Variants in KITLG observed in about 807,000 individuals in gnomAD.
The protein encoded by KITLG is KIT ligand.
Under a neutral mutation model 34.1 loss-of-function variants are expected in KITLG, and 13 were observed. The ratio of observed to expected loss-of-function variants is 0.38; its 90% CI spans 0.25 to 0.61. The LOEUF (loss-of-function observed/expected upper bound fraction) is 0.61, where lower values mean the gene tolerates loss of function less well. Among genes scored for constraint, KITLG ranks in the 20% least tolerant of loss-of-function variants. KITLG has a pLI of 0.60. For missense variants in KITLG, 292 were observed against 318.9 expected (o/e 0.92, Z 0.64); for synonymous variants, 110 against 104.0 (o/e 1.06, Z -0.35).
chr12:88,541,013 A>G (rs368014774), intron 2 of KITLG, among the ~76,000 whole-genome samples: 2 of 152,174 alleles, frequency 1.3e-5, no homozygotes, highest in East Asian at 1.9e-4. Context: ...CTTAGAATTC[A>G]TCCAGAAATG....
At chr12:88,551,843 C>T (rs1870925566) in intron 1 of KITLG, among the ~76,000 whole-genome samples, 1 of 152,140 alleles carries the variant, frequency 6.6e-6, no homozygotes, top group Non-Finnish European at 1.5e-5. Context: ...ACGTTAAGAA[C>T]TAGAGATGAA....
intron 2 of KITLG, among the ~76,000 whole-genome samples, chr12:88,543,937 T>C (rs1045921848): frequency 1.3e-5 from 2 of 152,150 alleles, no homozygotes; most frequent in Admixed American, 1.3e-4. Context: ...TATAACATTT[T>C]CTGTATGATC....
intron 1 of KITLG, among the ~76,000 whole-genome samples, chr12:88,550,462 G>A (rs770943767): frequency 4.6e-5 from 7 of 152,166 alleles, no homozygotes; most frequent in East Asian, 1.9e-4. Flanking sequence ...CAGGCAGAGC[G>A]CTGGAATGTG....
intron 2 of KITLG, 41 bp from the exon 3 acceptor site, chr12:88,532,544 T>C (rs1314348209): frequency 7.5e-7 from 1 of 1,330,030 alleles, no homozygotes; most frequent in Non-Finnish European, 1.1e-6. Flanking sequence ...AAAATTCTTA[T>C]ACATCAATTA....
At chr12:88,538,568 AACAGAG>A (rs1253099661) in intron 2 of KITLG, among the ~76,000 whole-genome samples, 1 of 152,046 alleles carries the variant, frequency 6.6e-6, no homozygotes, top group Non-Finnish European at 1.5e-5. Flanking sequence ...GCAAAGAGAA[AACAGAG>A]ACAGACAAAA....
At chr12:88,500,968 T>C (rs914343666) in intron 9 of KITLG, among the ~76,000 whole-genome samples, 4 of 152,008 alleles carry the variant, frequency 2.6e-5, no homozygotes, top group African/African-American at 9.7e-5. Context: ...TTTGTAGAGA[T>C]GGGGTCTTCC....
intron 1 of KITLG, among the ~76,000 whole-genome samples, chr12:88,562,704 C>T (rs1871334679): frequency 6.6e-6 from 1 of 152,156 alleles, no homozygotes; most frequent in African/African-American, 2.4e-5. Flanking sequence ...TAATACTTCC[C>T]TAGGTCCATG....
chr12:88,506,599 A>G (rs1226983795), intron 7 of KITLG, among the ~76,000 whole-genome samples: 1 of 152,240 alleles, frequency 6.6e-6, no homozygotes, highest in East Asian at 1.9e-4. Flanking sequence ...GTAATAAAGA[A>G]GCTGACACTT....
intron 1 of KITLG, among the ~76,000 whole-genome samples, chr12:88,551,741 A>G (rs994525542): frequency 2.0e-5 from 3 of 152,184 alleles, no homozygotes; most frequent in African/African-American, 7.2e-5. Flanking sequence ...TACAGCAGGA[A>G]GTATAATGGC....
chr12:88,528,181 G>A (rs901461295), intron 3 of KITLG, among the ~76,000 whole-genome samples: 2 of 152,118 alleles, frequency 1.3e-5, no homozygotes, highest in East Asian at 1.9e-4. Flanking sequence ...GGCCATGTGC[G>A]TTCCTTGGCT....
In KITLG at chr12:88,580,454, C is replaced by T; in HGVS notation, c.-176G>A. On this transcript the variant is annotated 5_prime_UTR_variant, in exon 1 of 10. Coordinates refer to ENST00000644744, the MANE Select transcript of KITLG (RefSeq NM_000899.5). Reference sequence around the variant, plus strand: ...TCCCGCAGCGCTTCTAGTCTCGGCGCGAGGCGGCGAGCGAAGCCCGGCTGC... The same window carrying T: ...TCCCGCAGCGCTTCTAGTCTCGGCGTGAGGCGGCGAGCGAAGCCCGGCTGC... The T allele has an allele frequency of 2.6e-6, 2 of 773,234 alleles. No individual in the cohort carries two copies. The highest frequency in any genetic ancestry group is 2.6e-5 in the Admixed American group (1 of 38,200). The allele number at this position is 773,234 out of a possible 1,614,324, so 47.9% of individuals were successfully genotyped here. A position where few individuals can be genotyped will look rare whatever the true frequency, so the allele number is the denominator to read the frequency against.
At chr12:88,579,099 G>C (rs2121000790) in intron 1 of KITLG, among the ~76,000 whole-genome samples, 1 of 152,228 alleles carries the variant, frequency 6.6e-6, no homozygotes, top group South Asian at 2.1e-4. Flanking sequence ...CCGGTACAAG[G>C]GGCTAGAGTC....
chr12:88,549,496 G>A (rs970533658), intron 1 of KITLG, among the ~76,000 whole-genome samples: 21 of 152,116 alleles, frequency 1.4e-4, no homozygotes, highest in Admixed American at 1.0e-3. Flanking sequence ...AGAATTTCCT[G>A]ACAGAGTACG....
Position 88,539,912 on chromosome 12 carries a change from C to A in KITLG, c.129+5840G>T, listed in dbSNP as rs564044824. On this transcript the variant is annotated intron_variant, in intron 2 of 9. Coordinates refer to ENST00000644744, the MANE Select transcript of KITLG (RefSeq NM_000899.5). Reference sequence around the variant, plus strand: ...TGTACCCCAGACTGGGTGATAGACACCCTGTCTCAAAAAAAAATTAAGATG... The same window carrying A: ...TGTACCCCAGACTGGGTGATAGACAACCTGTCTCAAAAAAAAATTAAGATG... Among the ~76,000 whole-genome samples, 17 of 152,002 alleles carry A rather than the reference C, an allele frequency of 1.1e-4. 1 individual carries two copies. The South Asian group carries it at 3.3e-3, about 30-fold the overall frequency.
intron 1 of KITLG, among the ~76,000 whole-genome samples, chr12:88,567,857 C>T (rs981261077): frequency 2.6e-5 from 4 of 151,922 alleles, no homozygotes; most frequent in African/African-American, 7.3e-5. Context: ...GAATGTTATC[C>T]GAAGAATCAA....
chr12:88,507,713 T>C (rs1011337703), intron 6 of KITLG, among the ~76,000 whole-genome samples: 7 of 152,166 alleles, frequency 4.6e-5, no homozygotes, highest in African/African-American at 1.7e-4. Flanking sequence ...TGCAACGGAC[T>C]AAGAGTTTGG....
At chr12:88,552,910 C>T (rs1870967665) in intron 1 of KITLG, among the ~76,000 whole-genome samples, 1 of 152,086 alleles carries the variant, frequency 6.6e-6, no homozygotes, top group African/African-American at 2.4e-5. Context: ...ATAATTTTTG[C>T]CTTACCCATC....
intron 2 of KITLG, among the ~76,000 whole-genome samples, chr12:88,544,487 A>C (rs555369377): frequency 6.8e-6 from 1 of 147,582 alleles, no homozygotes; most frequent in East Asian, 2.0e-4. Context: ...AAAAAACATG[A>C]TCTATTTTTA....
Position 88,580,447 on chromosome 12 carries a change from CT to C in KITLG, c.-170del. The C allele has an allele frequency of 3.6e-6, 3 of 830,702 alleles. No homozygotes were observed. The highest frequency in any genetic ancestry group is 5.8e-6 in the Non-Finnish European group (3 of 520,854). The allele number at this position is 830,702 out of a possible 1,614,324, so 51.5% of individuals were successfully genotyped here. A position where few individuals can be genotyped will look rare whatever the true frequency, so the allele number is the denominator to read the frequency against. ...CCCTGCTTCCCGCAGCGCTTCTAGTCTCGGCGCGAGGCGGCGAGCGAAGCCC... is the reference window on the plus strand; with the variant it reads ...CCCTGCTTCCCGCAGCGCTTCTAGTCCGGCGCGAGGCGGCGAGCGAAGCCC... On this transcript the variant is annotated 5_prime_UTR_variant, in exon 1 of 10. Transcript: ENST00000644744.
Sources: gnomAD v4.1 joint callset for allele counts (sites outside exome capture counted in the v4.1 genomes callset) on GRCh38, gnomAD v4.1.1 for gene constraint, MANE v1.5 for transcripts, NCBI Gene and HGNC (gene_info 2026-07-23, HGNC 2026-07-21) for gene names.